Variants in NELL1 observed in about 807,000 individuals in gnomAD.
The protein encoded by NELL1 is protein kinase C-binding protein NELL1.
In NELL1, 76 loss-of-function variants were observed where a neutral mutation model predicts 107.4. The ratio of observed to expected loss-of-function variants is 0.71; its 90% CI spans 0.59 to 0.86. The LOEUF (loss-of-function observed/expected upper bound fraction) is 0.86. Ranked by LOEUF, NELL1 falls within the 40% of genes least tolerant of loss-of-function variation. The probability of loss-of-function intolerance (pLI) is 0.00; values close to 1 mark genes in which losing one functional copy is unlikely to be tolerated. For missense variants in NELL1, 1,024 were observed against 1,005.5 expected (o/e 1.02, Z -0.25); for synonymous variants, 353 against 341.2 (o/e 1.03, Z -0.38).
intron 14 of NELL1, among the ~76,000 whole-genome samples, chr11:21,278,604 A>G (rs1848922912): frequency 6.6e-6 from 1 of 152,178 alleles, no homozygotes; most frequent in African/African-American, 2.4e-5. Context: ...GATCTATAAG[A>G]GGAAAACTAT....
intron 13 of NELL1, among the ~76,000 whole-genome samples, chr11:21,207,892 T>C (rs921262413): frequency 2.0e-5 from 3 of 152,166 alleles, no homozygotes; most frequent in African/African-American, 7.2e-5. Context: ...ATTTTCTTTC[T>C]TTTTTTAAAA....
intron 15 of NELL1, among the ~76,000 whole-genome samples, chr11:21,424,640 A>C (rs573000772): frequency 1.3e-4 from 20 of 152,142 alleles, no homozygotes; most frequent in Admixed American, 5.2e-4. Flanking sequence ...CAAACAAAAA[A>C]CAGAAAACAA....
intron 14 of NELL1, among the ~76,000 whole-genome samples, chr11:21,359,808 T>C (rs1261014817): frequency 2.0e-5 from 3 of 152,180 alleles, no homozygotes; most frequent in Non-Finnish European, 4.4e-5. Context: ...GAATGATCTT[T>C]TGTATTTCTG....
intron 13 of NELL1, among the ~76,000 whole-genome samples, chr11:21,115,375 C>T (rs972368094): frequency 4.1e-5 from 6 of 146,124 alleles, no homozygotes; most frequent in African/African-American, 1.0e-4. Flanking sequence ...CACACACACA[C>T]GCTTTTTTGT....
chr11:21,522,497 T>G (rs1262455470), intron 15 of NELL1, among the ~76,000 whole-genome samples: 1 of 152,112 alleles, frequency 6.6e-6, no homozygotes, highest in Non-Finnish European at 1.5e-5. Flanking sequence ...CACTTGTAAG[T>G]GGGAGCTAAA....
Position 21,143,837 on chromosome 11 carries a change from A to G in NELL1, c.1426+30123A>G, listed in dbSNP as rs991458250. Among the ~76,000 whole-genome samples the G allele has an allele frequency of 3.1e-4, 47 of 152,192 alleles. 1 individual carries two copies. The highest frequency in any genetic ancestry group is 1.1e-3 in the African/African-American group (47 of 41,444). On this transcript the variant is annotated intron_variant, in intron 13 of 19. Transcript: ENST00000357134. ...AAGATGAATACCCATCAATGTTTCA[A>G]CTTAGAGCAGAAGATGAGACTTGAA...
At chr11:20,911,419 C>T (rs962413305) in intron 5 of NELL1, among the ~76,000 whole-genome samples, 1 of 152,138 alleles carries the variant, frequency 6.6e-6, no homozygotes, top group Non-Finnish European at 1.5e-5. Flanking sequence ...AGTTGCCAAC[C>T]TTATATAGCC....
intron 15 of NELL1, among the ~76,000 whole-genome samples, chr11:21,410,600 A>G (rs868742327): frequency 1.3e-5 from 2 of 152,200 alleles, no homozygotes; most frequent in East Asian, 1.9e-4. Flanking sequence ...GTGATTTGTT[A>G]TATGTGTGGA....
chr11:21,130,782 G>A (rs962158516), intron 13 of NELL1, among the ~76,000 whole-genome samples: 1 of 152,154 alleles, frequency 6.6e-6, no homozygotes, highest in Non-Finnish European at 1.5e-5. Context: ...TTGTTAGTTG[G>A]CAGTATGTTC....
chr11:21,193,174 T>A (rs1452500280), intron 13 of NELL1, among the ~76,000 whole-genome samples: 1 of 151,736 alleles, frequency 6.6e-6, no homozygotes, highest in Non-Finnish European at 1.5e-5. Context: ...TTAGATTGAG[T>A]AGGTAAATGG....
chr11:21,448,648 C>T (rs141134220), intron 15 of NELL1, among the ~76,000 whole-genome samples: 82 of 152,248 alleles, frequency 5.4e-4, no homozygotes, highest in African/African-American at 1.9e-3. Flanking sequence ...ACCCATGAAA[C>T]CATCAGCACA....
In NELL1 at chr11:20,969,435, T is replaced by G. The variant is rs532140882; in HGVS notation, c.1300+8875T>G. 3.8e-3 allele frequency among the ~76,000 whole-genome samples: 583 copies of G among 152,278 alleles called. 4 individuals are homozygous for G. The highest frequency in any genetic ancestry group is 6.0e-3 in the Non-Finnish European group (406 of 68,006). On this transcript the variant is annotated intron_variant, in intron 12 of 19. Coordinates refer to ENST00000357134, the MANE Select transcript of NELL1 (RefSeq NM_006157.5). ...AAATGTATTCTTTAAAGAGGATGCT[T>G]TATAATTAAGAGAGTCTTCAAACCA...
intron 2 of NELL1, among the ~76,000 whole-genome samples, chr11:20,743,611 C>T (rs1489981678): frequency 6.6e-6 from 1 of 152,130 alleles, no homozygotes; most frequent in East Asian, 1.9e-4. Flanking sequence ...CTGCTTCAGT[C>T]CTTGCCTGCT....
chr11:20,722,017 C>CTATTTTTTTTTTTTT lies in NELL1; in HGVS notation c.184+43958_184+43959insATTTTTTTTTTTTTT, dbSNP rs1564879666. 1.4e-5 allele frequency among the ~76,000 whole-genome samples: 2 copies of CTATTTTTTTTTTTTT among 138,514 alleles called. 1 individual carries two copies. Among genetic ancestry groups the CTATTTTTTTTTTTTT allele is most frequent in the Non-Finnish European group, 3.2e-5 (2 of 63,106 alleles). 90.9% of individuals were successfully genotyped at this position (138,514 alleles called of 152,430 possible). A position where few individuals can be genotyped will look rare whatever the true frequency, so the allele number is the denominator to read the frequency against. On this transcript the variant is annotated intron_variant, in intron 2 of 19. Transcript: ENST00000357134. ...CATGTTACTTGACCTTTCTGAGTCT[C>CTATTTTTTTTTTTTT]TCTTTTTTTTTTTTTTTTTTTGAGA...
At chr11:20,670,597 C>G (rs766649085) in intron 1 of NELL1, 1 of 152,280 alleles carries the variant, frequency 6.6e-6, no homozygotes, top group Non-Finnish European at 1.5e-5. Flanking sequence ...TCCACCGGCT[C>G]CCTTGCCCAA....
chr11:20,894,353 A>G (rs1239594976), intron 5 of NELL1, among the ~76,000 whole-genome samples: 1 of 152,262 alleles, frequency 6.6e-6, no homozygotes, highest in Non-Finnish European at 1.5e-5. Context: ...GTCAAGGAAT[A>G]GGAGGAGCTA....
At chr11:20,709,681 G>T (rs1490675322) in intron 2 of NELL1, among the ~76,000 whole-genome samples, 4 of 152,150 alleles carry the variant, frequency 2.6e-5, no homozygotes, top group African/African-American at 9.7e-5. Context: ...AGTGTGGGAT[G>T]TATTTCCACT....
chr11:20,906,687 A>G (rs1442404852), intron 5 of NELL1, among the ~76,000 whole-genome samples: 1 of 152,062 alleles, frequency 6.6e-6, no homozygotes, highest in Non-Finnish European at 1.5e-5. Flanking sequence ...GGTTTAACAT[A>G]AGAAAAGTCA....
At chr11:21,388,546 AAC>A (rs1367513736) in intron 15 of NELL1, among the ~76,000 whole-genome samples, 1 of 151,926 alleles carries the variant, frequency 6.6e-6, no homozygotes, top group East Asian at 2.0e-4. Flanking sequence ...ATCTCAACAA[AAC>A]AGTGTCAAGT....
Sources: gnomAD v4.1 joint callset for allele counts (sites outside exome capture counted in the v4.1 genomes callset) on GRCh38, gnomAD v4.1.1 for gene constraint, MANE v1.5 for transcripts, NCBI Gene and HGNC (gene_info 2026-07-23, HGNC 2026-07-21) for gene names.